Variants in MATCAP2 observed in about 807,000 individuals in gnomAD.
MATCAP2 encodes the protein microtubule associated tyrosine carboxypeptidase 2, also known as putative tyrosine carboxypeptidase MATCAP2.
chr7:36,348,690 T>C, the MATCAP2 span, among the ~76,000 whole-genome samples: 1 of 152,176 alleles, frequency 6.6e-6, no homozygotes, highest in Non-Finnish European at 1.5e-5. Flanking sequence ...AGATGACATA[T>C]AAACAGATCC....
the MATCAP2 span, chr7:36,334,938 TA>T: frequency 9.4e-7 from 1 of 1,061,622 alleles, no homozygotes; most frequent in Non-Finnish European, 1.3e-6. Flanking sequence ...TTTCTTCTAC[TA>T]AGAAAATAAA....
chr7:36,327,288 G>A, the MATCAP2 span, among the ~76,000 whole-genome samples: 8 of 152,092 alleles, frequency 5.3e-5, no homozygotes, highest in South Asian at 2.1e-4. Context: ...ACAGGCGCCC[G>A]CCACCACACC....
chr7:36,324,618 A>C, the MATCAP2 span: 1 of 152,210 alleles, frequency 6.6e-6, no homozygotes, highest in Admixed American at 6.5e-5. Flanking sequence ...CTATTCCTGG[A>C]AAAAGAATTA....
chr7:36,380,444 G>T, the MATCAP2 span, among the ~76,000 whole-genome samples: 1 of 152,170 alleles, frequency 6.6e-6, no homozygotes, highest in Non-Finnish European at 1.5e-5. Context: ...TCAATTTCTT[G>T]TCTTTTTCTG....
chr7:36,345,066 C>G, the MATCAP2 span, among the ~76,000 whole-genome samples: 1 of 152,178 alleles, frequency 6.6e-6, no homozygotes, highest in African/African-American at 2.4e-5. Context: ...TTAAAATGTA[C>G]TTGGCCAACT....
chr7:36,376,289 T>A, the MATCAP2 span, among the ~76,000 whole-genome samples: 1 of 152,244 alleles, frequency 6.6e-6, no homozygotes, highest in Non-Finnish European at 1.5e-5. Flanking sequence ...TGGTATGTTG[T>A]GTCTTTGTTC....
chr7:36,346,643 C>T, the MATCAP2 span, among the ~76,000 whole-genome samples: 2 of 152,258 alleles, frequency 1.3e-5, no homozygotes, highest in East Asian at 1.9e-4. Context: ...AGATGGGGAA[C>T]GATTGCTAAT....
the MATCAP2 span, among the ~76,000 whole-genome samples, chr7:36,366,269 T>A: frequency 7.9e-5 from 12 of 152,328 alleles, no homozygotes; most frequent in East Asian, 1.9e-4. Context: ...AGGTTTTTTT[T>A]AATAGCTAAC....
the MATCAP2 span, among the ~76,000 whole-genome samples, chr7:36,372,452 C>T: frequency 1.3e-5 from 2 of 152,174 alleles, no homozygotes; most frequent in Non-Finnish European, 2.9e-5. Context: ...TGCAGCATGT[C>T]TATATTCAGG....
the MATCAP2 span, chr7:36,324,505 T>C: frequency 3.3e-5 from 5 of 151,986 alleles, no homozygotes; most frequent in Admixed American, 1.3e-4. Context: ...ATAACTATTA[T>C]AATTAAAATT....
the MATCAP2 span, among the ~76,000 whole-genome samples, chr7:36,340,480 C>T: frequency 2.0e-5 from 3 of 152,272 alleles, no homozygotes; most frequent in East Asian, 1.9e-4. Context: ...TTGACTTGCA[C>T]GGCACCACCA....
At chr7:36,354,652 TGAA>T in the MATCAP2 span, among the ~76,000 whole-genome samples, 3 of 152,224 alleles carry the variant, frequency 2.0e-5, no homozygotes, top group East Asian at 1.9e-4. Context: ...ACTCGGTAGC[TGAA>T]GAAGAATTTA....
the MATCAP2 span, among the ~76,000 whole-genome samples, chr7:36,343,961 CT>C: frequency 6.6e-6 from 1 of 152,082 alleles, no homozygotes; most frequent in Non-Finnish European, 1.5e-5. Context: ...CACTGGTTGC[CT>C]GGAGACACGG....
the MATCAP2 span, among the ~76,000 whole-genome samples, chr7:36,357,746 C>G: frequency 1.4e-4 from 22 of 152,180 alleles, no homozygotes; most frequent in Non-Finnish European, 2.6e-4. Context: ...GGATATATTA[C>G]TAAACTTTGG....
the MATCAP2 span, chr7:36,333,964 AC>A: frequency 1.9e-6 from 3 of 1,614,132 alleles, no homozygotes; most frequent in East Asian, 6.7e-5. Flanking sequence ...TCACAAAAAG[AC>A]ATTTGGCTGG....
chr7:36,385,853 AAGAT>A, the MATCAP2 span, among the ~76,000 whole-genome samples: 1 of 149,948 alleles, frequency 6.7e-6, no homozygotes, highest in Admixed American at 6.8e-5. Flanking sequence ...AAAATAAAAT[AAGAT>A]AAAGAAAGAA....
the MATCAP2 span, among the ~76,000 whole-genome samples, chr7:36,331,270 T>C: frequency 6.6e-6 from 1 of 152,236 alleles, no homozygotes; most frequent in African/African-American, 2.4e-5. Context: ...CAGGATGGTA[T>C]GCAGACTAGA....
chr7:36,348,444 A>G, the MATCAP2 span, among the ~76,000 whole-genome samples: 3 of 152,214 alleles, frequency 2.0e-5, no homozygotes, highest in African/African-American at 4.8e-5. Flanking sequence ...TTACATTCCA[A>G]TGCTTTATAA....
chr7:36,374,052 G>A, the MATCAP2 span, among the ~76,000 whole-genome samples: 10 of 151,954 alleles, frequency 6.6e-5, no homozygotes, highest in African/African-American at 1.7e-4. Flanking sequence ...GATTACAGGC[G>A]TGAGCCACCA....
Sources: allele counts gnomAD v4.1 joint callset (sites outside exome capture counted in the v4.1 genomes callset), GRCh38; gene constraint gnomAD v4.1.1; transcripts MANE v1.5; gene names NCBI Gene and HGNC (gene_info 2026-07-23, HGNC 2026-07-21).